MTMR2: variants seen among roughly 807,000 people sequenced by gnomAD.
MTMR2 encodes the protein phosphatidylinositol-3,5-bisphosphate 3-phosphatase MTMR2.
MTMR2 carries 55 observed loss-of-function variants against 86.9 expected under a neutral mutation model. The ratio of observed to expected loss-of-function variants is 0.63; its 90% CI spans 0.51 to 0.79. The LOEUF (loss-of-function observed/expected upper bound fraction) is 0.79. Ranked by LOEUF, MTMR2 falls within the 30% of genes least tolerant of loss-of-function variation. MTMR2 has a pLI of 0.00. For synonymous variants in MTMR2, 241 were observed against 266.8 expected (o/e 0.90, Z 0.94); for missense variants, 659 against 772.3 (o/e 0.85, Z 1.74).
In MTMR2 at chr11:95,849,690, T is replaced by G; in HGVS notation, c.977A>C (p.Asn326Thr). ...IFIFDARPSV[N>T]AVANKAKGGG... ...CCATCTGACCTTGTTGGCAACAGCATTAACACTTGGCCGGGCATCAAATAT... is the reference window on the plus strand; with the variant it reads ...CCATCTGACCTTGTTGGCAACAGCAGTAACACTTGGCCGGGCATCAAATAT... The change falls in exon 9 of 15, where the codon AAT becomes ACT. Residue 326 changes from asparagine (N) to threonine (T), a missense_variant. By Grantham distance (65) the Asn-to-Thr change is moderately conservative. Coordinates refer to ENST00000346299, the MANE Select transcript of MTMR2 (RefSeq NM_016156.6). 1 of 1,614,048 alleles carries G rather than the reference T, an allele frequency of 6.2e-7. No homozygotes were observed. Among genetic ancestry groups the G allele is most frequent in the Non-Finnish European group, 8.5e-7 (1 of 1,179,914 alleles).
chr11:95,878,672 C>T (rs749483175), intron 2 of MTMR2, among the ~76,000 whole-genome samples: 2 of 152,024 alleles, frequency 1.3e-5, no homozygotes, highest in Non-Finnish European at 2.9e-5. Flanking sequence ...TGTCCTGTCT[C>T]ATCCTTTCAT....
At chr11:95,842,783 T>C (rs1314058485) in intron 11 of MTMR2, among the ~76,000 whole-genome samples, 1 of 152,258 alleles carries the variant, frequency 6.6e-6, no homozygotes, top group Non-Finnish European at 1.5e-5. Context: ...GCAATGCTTA[T>C]AATTAAAACT....
chr11:95,880,023 TTA>T (rs780730452), intron 2 of MTMR2, among the ~76,000 whole-genome samples: 2 of 152,000 alleles, frequency 1.3e-5, no homozygotes, highest in East Asian at 3.9e-4. Flanking sequence ...TTTTACATTT[TTA>T]GTTATTATAG....
rs1220779896 is a variant in MTMR2, at chr11:95,835,299, A to G, written c.1923T>C (p.Thr641=). 10 of 1,612,708 alleles carry G rather than the reference A, an allele frequency of 6.2e-6. No homozygotes were observed. Among genetic ancestry groups the G allele is most frequent in the African/African-American group, 1.3e-5 (1 of 74,854 alleles). ...CTGATCTTACAGTCCTTTATACAAC[A>G]GTTTGGACAGGAGTGACACACTGTG... The part of the protein sequence containing the change: ...SPAQCVTPVQ[T]VV The change falls in exon 15 of 15, where the codon ACT becomes ACC. Residue 641 remains threonine (T), a synonymous_variant. Coordinates refer to ENST00000346299, the MANE Select transcript of MTMR2 (RefSeq NM_016156.6).
At position 95,836,130 on chromosome 11, in the gene MTMR2, A is replaced by ATAT; in HGVS notation, c.1770+15_1770+17dup. On this transcript the variant is annotated intron_variant, in intron 14 of 14. Coordinates refer to ENST00000346299, the MANE Select transcript of MTMR2 (RefSeq NM_016156.6). ...CTGCATGAATGAAAACTCCCATTGT[A>ATAT]TATTGTAAGGCACATACCTGTGGTT... 1 of 1,587,306 alleles carries ATAT rather than the reference A, an allele frequency of 6.3e-7. No homozygotes were observed. The highest frequency in any genetic ancestry group is 8.6e-7 in the Non-Finnish European group (1 of 1,159,610).
rs965980668 is a variant in MTMR2, at chr11:95,859,152, C to G, written c.469-520G>C. On this transcript the variant is annotated intron_variant, in intron 5 of 14. Coordinates refer to ENST00000346299, the MANE Select transcript of MTMR2 (RefSeq NM_016156.6). The stretch of plus-strand genomic sequence containing the variant: ...TGCATTGGACCTTCTCTTCCTAAGT[C>G]CCCTGCTACTAGTAGACTTGATAGA... Among the ~76,000 whole-genome samples, 3 of 152,174 alleles carry G rather than the reference C, an allele frequency of 2.0e-5. No individual in the cohort carries two copies. In the South Asian group the frequency reaches 6.2e-4, roughly 32 times the overall value.
chr11:95,906,835 C>A (rs529415863), intron 1 of MTMR2, among the ~76,000 whole-genome samples: 1 of 152,112 alleles, frequency 6.6e-6, no homozygotes, highest in East Asian at 1.9e-4. Flanking sequence ...CTAATGAGAA[C>A]AAAGATACAA....
intron 13 of MTMR2, among the ~76,000 whole-genome samples, chr11:95,837,151 A>G (rs17229128): frequency 0.047 from 7,191 of 152,128 alleles, 219 homozygotes; most frequent in Middle Eastern, 0.075. Flanking sequence ...ACTGCATGCT[A>G]GACACTGAAG....
intron 2 of MTMR2, among the ~76,000 whole-genome samples, chr11:95,876,324 G>C (rs1172041424): frequency 6.6e-6 from 1 of 152,144 alleles, no homozygotes; most frequent in Non-Finnish European, 1.5e-5. Flanking sequence ...TGGTCCATTA[G>C]GTTTTTCTGC....
intron 7 of MTMR2, among the ~76,000 whole-genome samples, chr11:95,853,108 A>G (rs1864085899): frequency 6.7e-6 from 1 of 148,608 alleles, no homozygotes; most frequent in Admixed American, 6.8e-5. Context: ...TATATATTTC[A>G]TATTTTTTAT....
intron 7 of MTMR2, 101 bp downstream of exon 7, chr11:95,857,451 G>A: frequency 2.6e-6 from 2 of 762,984 alleles, no homozygotes; most frequent in East Asian, 5.2e-5. Context: ...GTGAATTACT[G>A]TGGTATGAGA....
At chr11:95,902,172 GTTTC>G (rs1172966849) in intron 1 of MTMR2, among the ~76,000 whole-genome samples, 1 of 152,076 alleles carries the variant, frequency 6.6e-6, no homozygotes, top group Non-Finnish European at 1.5e-5. Flanking sequence ...CTGAATCTCA[GTTTC>G]TTTCTATGTA....
At chr11:95,849,064 C>A (rs576737764) in intron 9 of MTMR2, among the ~76,000 whole-genome samples, 1 of 152,070 alleles carries the variant, frequency 6.6e-6, no homozygotes, top group Admixed American at 6.6e-5. Context: ...AAAAGATGAG[C>A]GCTTTTCAGT....
Position 95,876,191 on chromosome 11 carries a change from C to T in MTMR2, c.187-10515G>A, listed in dbSNP as rs905003838. On this transcript the variant is annotated intron_variant, in intron 2 of 14. Coordinates refer to ENST00000346299, the MANE Select transcript of MTMR2 (RefSeq NM_016156.6). The stretch of plus-strand genomic sequence containing the variant: ...GCCTTTTGTTTGGCTATGCCCTGCC[C>T]CCAGAGGTGGAGTCTTCAGAGGCAG... Among the ~76,000 whole-genome samples, 3 of 152,178 alleles carry T rather than the reference C, an allele frequency of 2.0e-5. No homozygotes were observed. In the South Asian group the frequency reaches 6.2e-4, roughly 32 times the overall value.
At chr11:95,873,452 T>TAA in intron 2 of MTMR2, among the ~76,000 whole-genome samples, 1 of 152,288 alleles carries the variant, frequency 6.6e-6, no homozygotes, top group African/African-American at 2.4e-5. Context: ...TCGGTGGTGA[T>TAA]CTTCCCTTTA....
chr11:95,836,408 TGTC>T (rs1305506716), intron 13 of MTMR2, 84 bp from the exon 14 acceptor site: 8 of 1,308,690 alleles, frequency 6.1e-6, no homozygotes, highest in Non-Finnish European at 6.5e-6. Flanking sequence ...AGTACTTTGT[TGTC>T]ATTAAAATCT....
chr11:95,923,706 C>T, intron 1 of MTMR2, 169 bp downstream of exon 1: 2 of 1,436,856 alleles, frequency 1.4e-6, no homozygotes, highest in Non-Finnish European at 1.8e-6. Flanking sequence ...TTTTCCTCAG[C>T]CTCCACGCCC....
At position 95,868,273 on chromosome 11, in the gene MTMR2, TAAAAAAAAAAAA is replaced by T. The variant is rs555618890; in HGVS notation, c.187-2609_187-2598del. Among the ~76,000 whole-genome samples the T allele has an allele frequency of 6.6e-4, 28 of 42,224 alleles. 1 individual carries two copies. The South Asian group carries it at 0.018, about 27-fold the overall frequency. The allele number at this position is 42,224 out of a possible 152,430, so 27.7% of individuals were successfully genotyped here. ...AGGCAATGGGAGTGAGACCCTGTGC[TAAAAAAAAAAAA>T]AAAAAAAAAAAAAAAAGAAAGAAAA... On this transcript the variant is annotated intron_variant, in intron 2 of 14. Coordinates refer to ENST00000346299, the MANE Select transcript of MTMR2 (RefSeq NM_016156.6).
intron 1 of MTMR2, among the ~76,000 whole-genome samples, chr11:95,912,541 A>G (rs535101454): frequency 4.3e-4 from 66 of 152,076 alleles, no homozygotes; most frequent in African/African-American, 1.5e-3. Flanking sequence ...TGAGAATTAC[A>G]GAGTATTTCC....
Sources: allele counts gnomAD v4.1 joint callset (sites outside exome capture counted in the v4.1 genomes callset), GRCh38; gene constraint gnomAD v4.1.1; transcripts MANE v1.5; gene names NCBI Gene and HGNC (gene_info 2026-07-23, HGNC 2026-07-21).